The following PRR23E variants were observed in gnomAD, a reference collection of about 807,000 sequenced individuals.
The protein encoded by PRR23E is proline-rich protein 23E.
At chr3:127,196,773 G>T in the PRR23E span, 26 of 1,596,834 alleles carry the variant, frequency 1.6e-5, no homozygotes, top group Non-Finnish European at 2.2e-5. Context: ...GACTCTGGCA[G>T]CCTCAACCCC....
At chr3:127,196,657 G>T in the PRR23E span, 1 of 1,554,584 alleles carries the variant, frequency 6.4e-7, no homozygotes, top group East Asian at 2.3e-5. Flanking sequence ...CAGACACTTC[G>T]GGGCTTTGAA....
At chr3:127,193,740 G>A in the PRR23E span, among the ~76,000 whole-genome samples, 1 of 152,216 alleles carries the variant, frequency 6.6e-6, no homozygotes, top group South Asian at 2.1e-4. Flanking sequence ...ACTTACTAAA[G>A]AGTAAACAAC....
the PRR23E span, among the ~76,000 whole-genome samples, chr3:127,194,553 A>G: frequency 6.6e-6 from 1 of 152,218 alleles, no homozygotes; most frequent in Admixed American, 6.5e-5. Flanking sequence ...CAGTTGAGGA[A>G]GAGGGATTTC....
At chr3:127,196,823 C>A in the PRR23E span, 1 of 1,598,764 alleles carries the variant, frequency 6.3e-7, no homozygotes, top group Non-Finnish European at 8.5e-7. Flanking sequence ...CCTGTACCTG[C>A]TTGGGAGCCC....
the PRR23E span, chr3:127,196,892 A>G: frequency 1.3e-6 from 2 of 1,599,342 alleles, no homozygotes; most frequent in African/African-American, 2.7e-5. Context: ...GATTTTCCCC[A>G]CAAGCTTACC....
chr3:127,197,032 G>T, the PRR23E span: 1 of 1,596,092 alleles, frequency 6.3e-7, no homozygotes, highest in South Asian at 1.1e-5. Flanking sequence ...CCCCTCATAG[G>T]AAGTCCGTAT....
the PRR23E span, among the ~76,000 whole-genome samples, chr3:127,193,500 C>G: frequency 2.0e-5 from 3 of 152,046 alleles, no homozygotes; most frequent in Non-Finnish European, 4.4e-5. Flanking sequence ...CCAGCCTGTT[C>G]CCTCAGCCCC....
the PRR23E span, chr3:127,197,438 C>G: frequency 6.8e-7 from 1 of 1,478,342 alleles, no homozygotes; most frequent in South Asian, 1.4e-5. Context: ...CCCAGACCCA[C>G]CCAACAATCA....
the PRR23E span, among the ~76,000 whole-genome samples, chr3:127,195,129 G>A: frequency 6.6e-6 from 1 of 152,158 alleles, no homozygotes; most frequent in Non-Finnish European, 1.5e-5. Flanking sequence ...ACTGTGTTTT[G>A]CCTGGGTGGA....
At chr3:127,193,853 T>A in the PRR23E span, among the ~76,000 whole-genome samples, 1 of 152,256 alleles carries the variant, frequency 6.6e-6, no homozygotes, top group African/African-American at 2.4e-5. Flanking sequence ...TGTAATTTGA[T>A]TTTTTTAAAA....
the PRR23E span, chr3:127,197,258 C>T: frequency 6.3e-7 from 1 of 1,599,362 alleles, no homozygotes; most frequent in Non-Finnish European, 8.5e-7. Flanking sequence ...CAGAATGGGC[C>T]TCCAGGTTCG....
the PRR23E span, among the ~76,000 whole-genome samples, chr3:127,195,540 C>T: frequency 1.3e-5 from 2 of 152,166 alleles, no homozygotes; most frequent in African/African-American, 4.8e-5. Context: ...CAATGGGCAG[C>T]CTCCCTCTAG....
chr3:127,194,271 GGAA>G, the PRR23E span, among the ~76,000 whole-genome samples: 3 of 152,004 alleles, frequency 2.0e-5, no homozygotes, highest in Admixed American at 1.3e-4. Flanking sequence ...GGGCCACACT[GGAA>G]GAAGAATTGT....
the PRR23E span, among the ~76,000 whole-genome samples, chr3:127,194,654 G>A: frequency 6.6e-6 from 1 of 152,146 alleles, no homozygotes; most frequent in African/African-American, 2.4e-5. Flanking sequence ...GGCTCCTGCA[G>A]TCTGGGGCCA....
chr3:127,197,385 A>G, the PRR23E span: 1 of 1,554,958 alleles, frequency 6.4e-7, no homozygotes, highest in African/African-American at 1.4e-5. Context: ...GTCACCCTGC[A>G]GGGCCCGCCG....
the PRR23E span, chr3:127,196,883 A>AT: frequency 6.3e-7 from 1 of 1,599,010 alleles, no homozygotes; most frequent in Non-Finnish European, 8.5e-7. Context: ...CCTGCATGGG[A>AT]TTTTCCCCAC....
At chr3:127,196,253 G>A in the PRR23E span, among the ~76,000 whole-genome samples, 2 of 152,168 alleles carry the variant, frequency 1.3e-5, no homozygotes, top group African/African-American at 4.8e-5. Context: ...TAGGGGCTTT[G>A]CTGAATCTTT....
the PRR23E span, chr3:127,198,081 TCTCA>T: frequency 1.3e-5 from 2 of 152,308 alleles, no homozygotes; most frequent in South Asian, 4.1e-4. Context: ...GGTGTGCTCT[TCTCA>T]CTCCTCACCC....
At chr3:127,196,588 C>T in the PRR23E span, 2 of 1,448,026 alleles carry the variant, frequency 1.4e-6, no homozygotes, top group African/African-American at 2.8e-5. Flanking sequence ...GCTCACCCCA[C>T]AGATACCAGG....
Sources: allele counts gnomAD v4.1 joint callset (sites outside exome capture counted in the v4.1 genomes callset), GRCh38; gene constraint gnomAD v4.1.1; transcripts MANE v1.5; gene names NCBI Gene and HGNC (gene_info 2026-07-23, HGNC 2026-07-21).